Variants in CEP128 observed in about 807,000 individuals in gnomAD.
The protein encoded by CEP128 is centrosomal protein 128kDa.
A neutral mutation model predicts 156.7 loss-of-function variants in CEP128; 132 were observed. The ratio of observed to expected loss-of-function variants is 0.84; its 90% CI spans 0.73 to 0.97. The LOEUF is 0.97. CEP128 is among the 50% of genes least tolerant of loss of function. The pLI, the probability that CEP128 is intolerant of heterozygous loss-of-function variation, is 0.00. For synonymous variants in CEP128, 469 were observed against 448.9 expected (o/e 1.04, Z -0.57); for missense variants, 1,252 against 1,281.9 (o/e 0.98, Z 0.36).
chr14:80,837,491 G>C (rs368794172), intron 11 of CEP128, among the ~76,000 whole-genome samples: 27 of 152,324 alleles, frequency 1.8e-4, no homozygotes, highest in Middle Eastern at 3.4e-3. Context: ...GGCCGAGGTG[G>C]GGAATCACGA....
intron 20 of CEP128, among the ~76,000 whole-genome samples, chr14:80,560,293 C>T (rs79541296): frequency 0.011 from 1,601 of 152,152 alleles, 34 homozygotes; most frequent in African/African-American, 0.036. Context: ...GGTGCGGTGC[C>T]GCGTGCCTGT....
intron 9 of CEP128, among the ~76,000 whole-genome samples, chr14:80,854,480 T>C (rs1288169141): frequency 6.6e-6 from 1 of 152,098 alleles, no homozygotes; most frequent in African/African-American, 2.4e-5. Context: ...TATACATCAG[T>C]CCAGGTAATT....
chr14:80,950,260 C>T (rs916986909), intron 2 of CEP128, among the ~76,000 whole-genome samples: 10 of 152,138 alleles, frequency 6.6e-5, no homozygotes, highest in Admixed American at 5.2e-4. Flanking sequence ...GTATGCCCCA[C>T]CAACACCTTA....
intron 19 of CEP128, among the ~76,000 whole-genome samples, chr14:80,656,831 C>T (rs1895193119): frequency 6.6e-6 from 1 of 152,256 alleles, no homozygotes; most frequent in East Asian, 1.9e-4. Context: ...AACTAAGTCA[C>T]CTGTACAGAC....
intron 19 of CEP128, among the ~76,000 whole-genome samples, chr14:80,711,463 T>C (rs1005354497): frequency 4.4e-4 from 67 of 152,072 alleles, no homozygotes; most frequent in Admixed American, 4.3e-3. Flanking sequence ...AGATAATATA[T>C]GTAAAATTAC....
At position 80,823,963 on chromosome 14, in the gene CEP128, C is replaced by A. The variant is rs1885334582; in HGVS notation, c.1209+7180G>T. Among the ~76,000 whole-genome samples, 4 of 152,400 alleles carry A rather than the reference C, an allele frequency of 2.6e-5. No homozygotes were observed. In the South Asian group the frequency reaches 8.3e-4, roughly 32 times the overall value. The stretch of plus-strand genomic sequence containing the variant: ...CTCCATGATGGCCCTGCCTCTGCAG[C>A]AAGCTTCTGCCTAGGCATCCAGGCA... On this transcript the variant is annotated intron_variant, in intron 13 of 24. Transcript: ENST00000555265.
chr14:80,789,209 C>A (rs922503909), intron 14 of CEP128, among the ~76,000 whole-genome samples: 1 of 151,874 alleles, frequency 6.6e-6, no homozygotes, highest in African/African-American at 2.4e-5. Flanking sequence ...TCCAATGTGA[C>A]AGGAAAAAAA....
chr14:80,777,907 C>T lies in CEP128; in HGVS notation c.2351G>A (p.Cys784Tyr). 6.2e-7 allele frequency: 1 copy of T among 1,609,542 alleles called. No individual in the cohort carries two copies. The highest frequency in any genetic ancestry group is 1.3e-5 in the African/African-American group (1 of 74,920). Residue 784 changes from cysteine (C) to tyrosine (Y), a missense_variant, in exon 16 of 25, where the codon TGT becomes TAT. Transcript: ENST00000555265. The stretch of plus-strand genomic sequence containing the variant: ...CCTTTCTTCTAGTTGATCCTTCAAA[C>T]ATTGATATTTTAGCTTCAGTTTTTT... ...ENKKLKLKYQCLKDQLEEREK... is the reference protein window; with the variant it reads ...ENKKLKLKYQYLKDQLEEREK...
chr14:80,587,108 C>G (rs1039815517), intron 19 of CEP128, among the ~76,000 whole-genome samples: 11 of 151,720 alleles, frequency 7.3e-5, no homozygotes, highest in African/African-American at 2.7e-4. Flanking sequence ...GCAAAACAAA[C>G]AGTTGTAATT....
chr14:80,487,080 C>A (rs1280860053), downstream of CEP128, among the ~76,000 whole-genome samples: 1 of 152,012 alleles, frequency 6.6e-6, no homozygotes, highest in Non-Finnish European at 1.5e-5. Flanking sequence ...CACAAACTGG[C>A]AAACTGGATA....
At chr14:80,573,326 C>T (rs1595027574) in intron 20 of CEP128, among the ~76,000 whole-genome samples, 1 of 152,198 alleles carries the variant, frequency 6.6e-6, no homozygotes, top group East Asian at 1.9e-4. Context: ...AACAATGTTT[C>T]CAAATGATGT....
At chr14:80,640,369 A>G (rs1350901425) in intron 19 of CEP128, among the ~76,000 whole-genome samples, 1 of 152,146 alleles carries the variant, frequency 6.6e-6, no homozygotes, top group Admixed American at 6.6e-5. Flanking sequence ...TATTATTTTG[A>G]CTGTCTCATT....
At chr14:80,701,344 T>C (rs543824354) in intron 19 of CEP128, among the ~76,000 whole-genome samples, 2 of 152,222 alleles carry the variant, frequency 1.3e-5, no homozygotes, top group East Asian at 1.9e-4. Flanking sequence ...ACTGGACACA[T>C]ACCCAGGTCT....
chr14:80,788,288 C>CTTTTTTTTTTT (rs10628361), intron 14 of CEP128, among the ~76,000 whole-genome samples: 21 of 97,244 alleles, frequency 2.2e-4, no homozygotes, highest in East Asian at 3.6e-4. Context: ...TGGCCAGGAT[C>CTTTTTTTTTTT]TTTTTTTTTT....
At chr14:80,608,829 C>CA (rs1892885983) in intron 19 of CEP128, among the ~76,000 whole-genome samples, 1 of 152,192 alleles carries the variant, frequency 6.6e-6, no homozygotes, top group African/African-American at 2.4e-5. Context: ...TGCTTTAACA[C>CA]AGCACTGTCA....
intron 9 of CEP128, among the ~76,000 whole-genome samples, chr14:80,850,050 G>C (rs1886808981): frequency 6.6e-6 from 1 of 152,136 alleles, no homozygotes; most frequent in African/African-American, 2.4e-5. Context: ...TTCTTCCATA[G>C]AGGGAGGGAG....
intron 13 of CEP128, among the ~76,000 whole-genome samples, chr14:80,817,426 C>T (rs749994010): frequency 5.9e-5 from 9 of 151,834 alleles, no homozygotes; most frequent in Non-Finnish European, 8.8e-5. Flanking sequence ...TAGGAGACAA[C>T]GATTTCAAAT....
At chr14:80,596,458 A>C (rs1223429866) in intron 19 of CEP128, among the ~76,000 whole-genome samples, 5 of 152,174 alleles carry the variant, frequency 3.3e-5, no homozygotes, top group Non-Finnish European at 7.4e-5. Flanking sequence ...CCTTCTAAAT[A>C]ATCCATGAGT....
At chr14:80,781,144 G>A (rs2139786618) in intron 15 of CEP128, among the ~76,000 whole-genome samples, 1 of 152,308 alleles carries the variant, frequency 6.6e-6, no homozygotes, top group Admixed American at 6.5e-5. Flanking sequence ...ATATTTGTAT[G>A]AGGAATGTTG....
Sources: allele counts gnomAD v4.1 joint callset (sites outside exome capture counted in the v4.1 genomes callset), GRCh38; gene constraint gnomAD v4.1.1; transcripts MANE v1.5; gene names NCBI Gene and HGNC (gene_info 2026-07-23, HGNC 2026-07-21).